The following PRELID2 variants were observed in gnomAD, a reference collection of about 807,000 sequenced individuals.
The protein encoded by PRELID2 is PRELI domain-containing protein 2.
PRELID2 carries 25 observed loss-of-function variants against 28.4 expected under a neutral mutation model. The ratio of observed to expected loss-of-function variants is 0.88; its 90% CI spans 0.64 to 1.23. The LOEUF (loss-of-function observed/expected upper bound fraction) is 1.23. Ranked by LOEUF, PRELID2 falls within the 50% of genes most tolerant of loss-of-function variation. The probability of loss-of-function intolerance (pLI) is 0.00; values close to 1 mark genes in which losing one functional copy is unlikely to be tolerated. For missense variants in PRELID2, 201 were observed against 214.4 expected, an observed-to-expected ratio of 0.94 and a Z score of 0.39; for synonymous variants, 76 against 71.6, an observed-to-expected ratio of 1.06 and a Z score of -0.31.
At chr5:145,536,758 T>A (rs1268826614) in intron 1 of PRELID2, among the ~76,000 whole-genome samples, 1 of 151,860 alleles carries the variant, frequency 6.6e-6, no homozygotes. Context: ...ACATAGTATT[T>A]TTTCAAGGCC....
At chr5:145,451,648 G>T in the PRELID2 span, among the ~76,000 whole-genome samples, 1 of 152,014 alleles carries the variant, frequency 6.6e-6, no homozygotes, top group Non-Finnish European at 1.5e-5. Flanking sequence ...TATATGTTGA[G>T]AAAAAACCTT....
At chr5:145,790,786 A>T (rs1197885973) in intron 5 of PRELID2, among the ~76,000 whole-genome samples, 13 of 147,228 alleles carry the variant, frequency 8.8e-5, no homozygotes, top group Non-Finnish European at 1.3e-4. Flanking sequence ...ATACAATTAT[A>T]ATTTGTCAAT....
At chr5:145,802,390 A>AT (rs892081715) in intron 4 of PRELID2, among the ~76,000 whole-genome samples, 2 of 152,102 alleles carry the variant, frequency 1.3e-5, no homozygotes, top group Non-Finnish European at 2.9e-5. Flanking sequence ...GGTTGTATCT[A>AT]TTTTTTCTTC....
At chr5:145,764,856 G>T (rs338887) in intron 6 of PRELID2, 75 bp downstream of exon 6, 890,755 of 1,056,850 alleles carry the variant, frequency 0.84, 379,249 homozygotes, top group East Asian at 0.95. Flanking sequence ...CAGGGAGGCT[G>T]CTGTAGAATA....
chr5:145,669,213 A>C (rs1205684887), intron 1 of PRELID2, among the ~76,000 whole-genome samples: 1 of 152,142 alleles, frequency 6.6e-6, no homozygotes, highest in African/African-American at 2.4e-5. Flanking sequence ...ATAGGAAACA[A>C]TATTGGATAG....
the PRELID2 span, among the ~76,000 whole-genome samples, chr5:145,305,993 A>G: frequency 6.6e-6 from 1 of 152,166 alleles, no homozygotes; most frequent in African/African-American, 2.4e-5. Context: ...CAAATAGTGA[A>G]CTTGCTAAAG....
the PRELID2 span, among the ~76,000 whole-genome samples, chr5:145,392,288 A>G: frequency 7.5e-6 from 1 of 134,070 alleles, no homozygotes; most frequent in Non-Finnish European, 1.6e-5. Flanking sequence ...GGAAGCAAAC[A>G]TGTCTTCTTC....
chr5:145,332,870 C>G, the PRELID2 span, among the ~76,000 whole-genome samples: 2 of 152,114 alleles, frequency 1.3e-5, no homozygotes, highest in Non-Finnish European at 2.9e-5. Flanking sequence ...AATTTTCAGC[C>G]TTTTTGCACT....
chr5:145,306,004 C>A, the PRELID2 span, among the ~76,000 whole-genome samples: 3 of 152,164 alleles, frequency 2.0e-5, no homozygotes, highest in African/African-American at 4.8e-5. Context: ...CTTGCTAAAG[C>A]CTTCTTCTCA....
chr5:145,506,982 T>C (rs1040742771), intron 1 of PRELID2, among the ~76,000 whole-genome samples: 1 of 152,210 alleles, frequency 6.6e-6, no homozygotes. Context: ...TTGGCTCACT[T>C]GTTCATTGTC....
At chr5:145,713,659 T>G (rs867943276) in intron 1 of PRELID2, among the ~76,000 whole-genome samples, 2 of 96,744 alleles carry the variant, frequency 2.1e-5, no homozygotes. Context: ...ATATAAAGTA[T>G]ATATAGTGTG....
intron 1 of PRELID2, among the ~76,000 whole-genome samples, chr5:145,703,595 A>T (rs1755467476): frequency 6.6e-6 from 1 of 152,204 alleles, no homozygotes. Context: ...CTAAACCCAA[A>T]CTAATAACTG....
chr5:145,314,286 CTCTA>C, the PRELID2 span, among the ~76,000 whole-genome samples: 7 of 152,180 alleles, frequency 4.6e-5, no homozygotes, highest in African/African-American at 9.7e-5. Context: ...TTTAATCTCA[CTCTA>C]TCTTTCACTT....
At chr5:145,702,502 C>CATCA (rs1755433443) in intron 1 of PRELID2, among the ~76,000 whole-genome samples, 2 of 152,264 alleles carry the variant, frequency 1.3e-5, no homozygotes, top group South Asian at 4.1e-4. Flanking sequence ...TTGCAAAATG[C>CATCA]ATCAGGATGC....
intron 1 of PRELID2, among the ~76,000 whole-genome samples, chr5:145,619,077 C>G (rs988707000): frequency 6.6e-6 from 1 of 152,118 alleles, no homozygotes; most frequent in African/African-American, 2.4e-5. Flanking sequence ...AGTGGGCAAG[C>G]AGGGCTGAGA....
At chr5:145,741,797 T>C (rs1488920778) in intron 1 of PRELID2, among the ~76,000 whole-genome samples, 1 of 113,872 alleles carries the variant, frequency 8.8e-6, no homozygotes, top group African/African-American at 3.5e-5. Context: ...AAAGTATTTA[T>C]ATATAAATTT....
At chr5:145,332,197 C>T in the PRELID2 span, among the ~76,000 whole-genome samples, 1 of 152,146 alleles carries the variant, frequency 6.6e-6, no homozygotes, top group Non-Finnish European at 1.5e-5. Flanking sequence ...CTTGCCTTAG[C>T]ATTTTTTCCT....
chr5:145,797,286 A>C (rs963449877), intron 4 of PRELID2, among the ~76,000 whole-genome samples: 1 of 150,992 alleles, frequency 6.6e-6, no homozygotes, highest in Non-Finnish European at 1.5e-5. Flanking sequence ...CTCCCTCAAG[A>C]ATTAGCAGCA....
chr5:145,494,153 T>C (rs943693394), intron 1 of PRELID2, among the ~76,000 whole-genome samples: 4 of 152,178 alleles, frequency 2.6e-5, no homozygotes, highest in Non-Finnish European at 5.9e-5. Context: ...GTCTATTAAC[T>C]AGCAAAATGT....
Sources: gnomAD v4.1 joint callset for allele counts (sites outside exome capture counted in the v4.1 genomes callset) on GRCh38, gnomAD v4.1.1 for gene constraint, MANE v1.5 for transcripts, NCBI Gene and HGNC (gene_info 2026-07-23, HGNC 2026-07-21) for gene names.